POU6F2: variants seen among roughly 807,000 people sequenced by gnomAD.
POU6F2 encodes POU class 6 homeobox 2, also known as POU domain, class 6, transcription factor 2.
POU6F2 carries 31 observed loss-of-function variants against 71.3 expected under a neutral mutation model. The ratio of observed to expected loss-of-function variants is 0.43; its 90% confidence interval spans 0.33 to 0.59. POU6F2 has a LOEUF of 0.59. Ranked by LOEUF, POU6F2 falls within the 20% of genes least tolerant of loss-of-function variation. POU6F2 has a pLI of 0.04. For missense variants in POU6F2, 783 were observed against 856.8 expected (o/e 0.91, Z 1.07); for synonymous variants, 347 against 355.7 (o/e 0.98, Z 0.27).
chr7:39,385,484 A>G (rs1050504983), intron 5 of POU6F2, among the ~76,000 whole-genome samples: 2 of 152,218 alleles, frequency 1.3e-5, no homozygotes, highest in Non-Finnish European at 2.9e-5. Context: ...GTGAAAGAAC[A>G]TGTTGGGTTC....
At chr7:39,397,814 GTATA>G (rs150006644) in intron 5 of POU6F2, among the ~76,000 whole-genome samples, 8 of 128,444 alleles carry the variant, frequency 6.2e-5, no homozygotes, top group African/African-American at 9.8e-5. Context: ...TATATTTTGT[GTATA>G]TATATATATA....
intron 5 of POU6F2, among the ~76,000 whole-genome samples, chr7:39,345,051 G>A (rs893208822): frequency 3.3e-5 from 5 of 151,992 alleles, no homozygotes; most frequent in African/African-American, 7.3e-5. Context: ...CAAAATGAAC[G>A]CCAAAAGTCT....
At chr7:39,125,593 T>C (rs552787683) in intron 2 of POU6F2, among the ~76,000 whole-genome samples, 7 of 152,296 alleles carry the variant, frequency 4.6e-5, no homozygotes, top group African/African-American at 1.7e-4. Context: ...TTTTCTAGTC[T>C]CATTCATTTT....
intron 5 of POU6F2, among the ~76,000 whole-genome samples, chr7:39,381,264 G>T (rs1786822227): frequency 6.6e-6 from 1 of 151,972 alleles, no homozygotes. Flanking sequence ...TCAAGATGGA[G>T]TCTCACTCTG....
chr7:38,988,416 C>G (rs1395984204), intron 1 of POU6F2, among the ~76,000 whole-genome samples: 1 of 151,966 alleles, frequency 6.6e-6, no homozygotes, highest in Non-Finnish European at 1.5e-5. Flanking sequence ...CCCTCCTGCC[C>G]CCCGCCAATC....
intron 1 of POU6F2, among the ~76,000 whole-genome samples, chr7:39,079,887 T>A (rs1471697754): frequency 2.0e-5 from 3 of 152,212 alleles, no homozygotes; most frequent in African/African-American, 4.8e-5. Flanking sequence ...GAAATTTTTG[T>A]CTGTTGAATA....
intron 2 of POU6F2, among the ~76,000 whole-genome samples, chr7:39,192,064 G>A (rs972445369): frequency 6.6e-6 from 1 of 152,208 alleles, no homozygotes; most frequent in Non-Finnish European, 1.5e-5. Flanking sequence ...TAATTTGCTT[G>A]TAGTGAGTTG....
chr7:39,293,503 TG>T (rs78810219), intron 4 of POU6F2, among the ~76,000 whole-genome samples: 9,356 of 152,290 alleles, frequency 0.061, 353 homozygotes, highest in South Asian at 0.18. Flanking sequence ...CATTCCTTTT[TG>T]TTGTCCGGCT....
intron 4 of POU6F2, among the ~76,000 whole-genome samples, chr7:39,248,563 G>T (rs2128752412): frequency 6.6e-6 from 1 of 152,232 alleles, no homozygotes; most frequent in African/African-American, 2.4e-5. Flanking sequence ...AATCCCCAAA[G>T]GATCTTCTCT....
At chr7:39,047,469 A>G (rs1056076556) in intron 1 of POU6F2, among the ~76,000 whole-genome samples, 1 of 151,816 alleles carries the variant, frequency 6.6e-6, no homozygotes, top group Non-Finnish European at 1.5e-5. Context: ...TTATGTTACT[A>G]TTGTGAATGG....
intron 1 of POU6F2, among the ~76,000 whole-genome samples, chr7:39,010,059 C>T (rs1376264727): frequency 2.1e-5 from 3 of 141,298 alleles, no homozygotes; most frequent in South Asian, 2.5e-4. Context: ...GGGAGGATTC[C>T]CTCTTTTTCT....
chr7:39,204,690 C>T (rs1793972262), intron 3 of POU6F2, among the ~76,000 whole-genome samples: 1 of 151,914 alleles, frequency 6.6e-6, no homozygotes, highest in Non-Finnish European at 1.5e-5. Flanking sequence ...TTACTATAGC[C>T]ATTTTTGAAA....
chr7:39,305,318 C>T (rs1028318169), intron 4 of POU6F2, among the ~76,000 whole-genome samples: 1 of 152,260 alleles, frequency 6.6e-6, no homozygotes, highest in Non-Finnish European at 1.5e-5. Flanking sequence ...TAATTTTGCA[C>T]TTCTTACTGT....
intron 2 of POU6F2, among the ~76,000 whole-genome samples, chr7:39,104,372 G>A (rs1027477398): frequency 6.6e-6 from 1 of 152,184 alleles, no homozygotes; most frequent in South Asian, 2.1e-4. Flanking sequence ...CAGGTTTTGG[G>A]TGGAGGGCTA....
chr7:39,053,461 T>C (rs1055033579), intron 1 of POU6F2, among the ~76,000 whole-genome samples: 6 of 152,122 alleles, frequency 3.9e-5, no homozygotes, highest in Admixed American at 2.6e-4. Flanking sequence ...TTCATACATA[T>C]ATTAAATATG....
chr7:39,328,374 G>A (rs1335761843), intron 4 of POU6F2, among the ~76,000 whole-genome samples: 1 of 152,234 alleles, frequency 6.6e-6, no homozygotes, highest in Admixed American at 6.5e-5. Context: ...CTAGCATCCT[G>A]TGGAATAGTC....
At chr7:39,115,325 A>C (rs765990581) in intron 2 of POU6F2, among the ~76,000 whole-genome samples, 4 of 152,140 alleles carry the variant, frequency 2.6e-5, no homozygotes, top group Non-Finnish European at 5.9e-5. Flanking sequence ...GCTTTCTTTA[A>C]AACCTTCAAA....
intron 5 of POU6F2, among the ~76,000 whole-genome samples, chr7:39,394,235 A>G (rs73386451): frequency 0.016 from 2,502 of 152,342 alleles, 49 homozygotes; most frequent in African/African-American, 0.057. Flanking sequence ...TTTGTAATAG[A>G]GAACATTCTG....
intron 1 of POU6F2, among the ~76,000 whole-genome samples, chr7:39,069,355 C>T (rs1186489198): frequency 6.6e-6 from 1 of 152,174 alleles, no homozygotes; most frequent in East Asian, 1.9e-4. Flanking sequence ...GAGCAGAGGG[C>T]TTTTCCGGGC....
Sources: allele counts gnomAD v4.1 joint callset (sites outside exome capture counted in the v4.1 genomes callset), GRCh38; gene constraint gnomAD v4.1.1; transcripts MANE v1.5; gene names NCBI Gene and HGNC (gene_info 2026-07-23, HGNC 2026-07-21).